GDAP1: variants seen among roughly 807,000 people sequenced by gnomAD.
GDAP1 encodes ganglioside-induced differentiation-associated protein 1.
GDAP1 carries 34 observed loss-of-function variants against 40.1 expected under a neutral mutation model. That is an observed-to-expected ratio of 0.85 (90% CI 0.64 to 1.13). GDAP1 has a LOEUF of 1.13. Among genes scored for constraint, GDAP1 ranks in the 50% most tolerant of loss-of-function variants. The probability of loss-of-function intolerance (pLI) is 0.00; values close to 1 mark genes in which losing one functional copy is unlikely to be tolerated. For missense variants in GDAP1, 374 were observed against 433.7 expected (o/e 0.86, Z 1.22); for synonymous variants, 170 against 157.4 (o/e 1.08, Z -0.60).
intron 2 of GDAP1, among the ~76,000 whole-genome samples, chr8:74,422,352 C>CTTTCTTTCTTTCCTT (rs1563465558): frequency 2.9e-5 from 1 of 34,222 alleles, no homozygotes; most frequent in African/African-American, 1.0e-4. Context: ...TTTCTTTCTT[C>CTTTCTTTCTTTCCTT]CCTTCCTTCC....
chr8:74,416,063 C>A (rs1805774014), intron 2 of GDAP1, among the ~76,000 whole-genome samples: 1 of 149,768 alleles, frequency 6.7e-6, no homozygotes, highest in Non-Finnish European at 1.5e-5. Flanking sequence ...TACCTAGAAC[C>A]TAACTAGCTG....
At position 74,366,228 on chromosome 8, in the gene GDAP1, C is replaced by G. The variant is rs754780248; in HGVS notation, c.*1861C>G. 18 of 453,994 alleles carry G rather than the reference C, an allele frequency of 4.0e-5. No homozygotes were observed. Among genetic ancestry groups the G allele is most frequent in the South Asian group, 2.5e-4 (16 of 64,278 alleles). The allele number at this position is 453,994 out of a possible 1,614,324, so 28.1% of individuals were successfully genotyped here. A position where few individuals can be genotyped will look rare whatever the true frequency, so the allele number is the denominator to read the frequency against. On this transcript the variant is annotated 3_prime_UTR_variant, in exon 6 of 6. Coordinates refer to ENST00000220822, the MANE Select transcript of GDAP1 (RefSeq NM_018972.4). Reference sequence around the variant, plus strand: ...AAGATAGTGGCAATTTCATATATTTCATGGATACTTGAGTTTGTGCTTTTA... The same window carrying G: ...AAGATAGTGGCAATTTCATATATTTGATGGATACTTGAGTTTGTGCTTTTA...
At chr8:74,371,938 T>C (rs890025744) in intron 2 of GDAP1, among the ~76,000 whole-genome samples, 5 of 114,776 alleles carry the variant, frequency 4.4e-5, no homozygotes, top group East Asian at 3.0e-4. Flanking sequence ...CCCATGACAG[T>C]CCCTTGTGTG....
At chr8:74,447,327 T>C (rs113063448) in intron 2 of GDAP1, among the ~76,000 whole-genome samples, 5,133 of 152,218 alleles carry the variant, frequency 0.034, 301 homozygotes, top group African/African-American at 0.12. Context: ...AGTTGGTAAT[T>C]ATTAAAGCTG....
At chr8:74,424,219 G>C (rs993360111) in intron 2 of GDAP1, among the ~76,000 whole-genome samples, 6 of 152,008 alleles carry the variant, frequency 3.9e-5, no homozygotes, top group African/African-American at 1.2e-4. Context: ...TTGTTATACT[G>C]TATTGTTTAG....
chr8:74,488,112 T>G lies in GDAP1; in HGVS notation c.166-566T>G, dbSNP rs75627573. The stretch of plus-strand genomic sequence containing the variant: ...CTCTATTTCTTGTACATTCTAGTGA[T>G]TCTACTAATAAAATATTAGAGGAAC... On this transcript the variant is annotated intron_variant, in intron 2 of 2. Coordinates refer to the GDAP1 transcript ENST00000523640. Among the ~76,000 whole-genome samples, 963 of 152,264 alleles carry G rather than the reference T, an allele frequency of 6.3e-3. 6 individuals are homozygous for G. The highest frequency in any genetic ancestry group is 0.022 in the African/African-American group (919 of 41,540).
At chr8:74,417,189 T>G (rs1470174308) in intron 2 of GDAP1, among the ~76,000 whole-genome samples, 1 of 149,660 alleles carries the variant, frequency 6.7e-6, no homozygotes, top group Non-Finnish European at 1.5e-5. Flanking sequence ...GAAAAGAAAT[T>G]GACAAAATGT....
Position 74,364,119 on chromosome 8 carries a change from G to A in GDAP1, c.829G>A (p.Glu277Lys). ...NWGNGKRPNL[E>K]TYYERVLKRK... Reference sequence around the variant, plus strand: ...GGGAAACGGAAAGCGACCAAACTTGGAAACCTATTACGAGCGTGTCTTGAA... The same window carrying A: ...GGGAAACGGAAAGCGACCAAACTTGAAAACCTATTACGAGCGTGTCTTGAA... Residue 277 changes from glutamate (E) to lysine (K), a missense_variant, in exon 6 of 6, where the codon GAA becomes AAA. By Grantham distance (56) the Glu-to-Lys change is moderately conservative. Coordinates refer to ENST00000220822, the MANE Select transcript of GDAP1 (RefSeq NM_018972.4). 1 of 1,614,174 alleles carries A rather than the reference G, an allele frequency of 6.2e-7. No homozygotes were observed. The highest frequency in any genetic ancestry group is 8.5e-7 in the Non-Finnish European group (1 of 1,180,032).
At chr8:74,354,586 ATGG>A (rs1276745030) in intron 2 of GDAP1, among the ~76,000 whole-genome samples, 7 of 152,248 alleles carry the variant, frequency 4.6e-5, no homozygotes, top group Middle Eastern at 3.2e-3. Flanking sequence ...TAAATGTAAA[ATGG>A]CTATGAGGAA....
At chr8:74,446,710 G>A (rs1351164182) in intron 2 of GDAP1, among the ~76,000 whole-genome samples, 2 of 152,122 alleles carry the variant, frequency 1.3e-5, no homozygotes, top group African/African-American at 4.8e-5. Flanking sequence ...TTCATACAAT[G>A]AAATATTGTT....
intron 2 of GDAP1, among the ~76,000 whole-genome samples, chr8:74,383,392 T>G (rs1809982204): frequency 6.6e-6 from 1 of 152,218 alleles, no homozygotes; most frequent in South Asian, 2.1e-4. Flanking sequence ...TCCACTGAAA[T>G]TGTATCCCAG....
intron 2 of GDAP1, among the ~76,000 whole-genome samples, chr8:74,389,309 G>A (rs1810072928): frequency 6.6e-6 from 1 of 152,156 alleles, no homozygotes. Context: ...TGCAGTGGCT[G>A]GTACTGGTTT....
chr8:74,424,200 T>C (rs1586830904), intron 2 of GDAP1, among the ~76,000 whole-genome samples: 1 of 152,180 alleles, frequency 6.6e-6, no homozygotes, highest in African/African-American at 2.4e-5. Flanking sequence ...ATAAATGATA[T>C]ATAAATAATT....
At chr8:74,462,658 A>G (rs908601014) in intron 2 of GDAP1, among the ~76,000 whole-genome samples, 2 of 152,232 alleles carry the variant, frequency 1.3e-5, no homozygotes, top group Non-Finnish European at 2.9e-5. Flanking sequence ...TATTCTTTAG[A>G]AAAATGAATA....
intron 2 of GDAP1, among the ~76,000 whole-genome samples, chr8:74,449,907 G>C (rs1806276317): frequency 6.6e-6 from 1 of 151,624 alleles, no homozygotes; most frequent in Non-Finnish European, 1.5e-5. Context: ...GCATCTTTTA[G>C]GTGATCATAT....
At chr8:74,481,354 A>G (rs551829006) in intron 2 of GDAP1, among the ~76,000 whole-genome samples, 1 of 152,364 alleles carries the variant, frequency 6.6e-6, no homozygotes, top group South Asian at 2.1e-4. Context: ...CAGTAATGGC[A>G]TCTACAAAAT....
intron 2 of GDAP1, among the ~76,000 whole-genome samples, chr8:74,468,597 C>G (rs1333141208): frequency 6.6e-6 from 1 of 151,484 alleles, no homozygotes; most frequent in Non-Finnish European, 1.5e-5. Context: ...CCCATTATAT[C>G]TTTTAATTTG....
chr8:74,354,583 A>T (rs1399893728), intron 2 of GDAP1, among the ~76,000 whole-genome samples: 7 of 152,266 alleles, frequency 4.6e-5, no homozygotes, highest in Middle Eastern at 3.2e-3. Context: ...GGCTAAATGT[A>T]AAATGGCTAT....
chr8:74,360,145 C>A lies in GDAP1; in HGVS notation c.319C>A (p.Pro107Thr), dbSNP rs1809284924. 10 of 1,611,728 alleles carry A rather than the reference C, an allele frequency of 6.2e-6. No homozygotes were observed. Among genetic ancestry groups the A allele is most frequent in the Non-Finnish European group, 7.6e-6 (9 of 1,177,910 alleles). ...LEQTFLDERT[P>T]RLMPDKESMY... Reference sequence around the variant, plus strand: ...GTGTGTGTGTATTTTAGAAAGAACACCCAGGTTAATGCCTGATAAAGAAAG... The same window carrying A: ...GTGTGTGTGTATTTTAGAAAGAACAACCAGGTTAATGCCTGATAAAGAAAG... The change falls in exon 3 of 6, where the codon CCC becomes ACC. Residue 107 changes from proline (P) to threonine (T), a missense_variant. Coordinates refer to ENST00000220822, the MANE Select transcript of GDAP1 (RefSeq NM_018972.4).
Sources: allele counts gnomAD v4.1 joint callset (sites outside exome capture counted in the v4.1 genomes callset), GRCh38; gene constraint gnomAD v4.1.1; transcripts MANE v1.5; gene names NCBI Gene and HGNC (gene_info 2026-07-23, HGNC 2026-07-21).